ZNF407: variants seen among roughly 807,000 people sequenced by gnomAD.
ZNF407 encodes the protein zinc finger protein 407.
A neutral mutation model predicts 131.2 loss-of-function variants in ZNF407; 17 were observed. The ratio of observed to expected loss-of-function variants is 0.13; its 90% CI spans 0.09 to 0.19. The LOEUF (loss-of-function observed/expected upper bound fraction) is 0.19, where lower values mean the gene tolerates loss of function less well. ZNF407 is among the 10% of genes least tolerant of loss of function. The pLI, the probability that ZNF407 is intolerant of heterozygous loss-of-function variation, is 1.00. For missense variants in ZNF407, 2,681 were observed against 2,830.6 expected (o/e 0.95, Z 1.20); for synonymous variants, 1,156 against 1,062.0 (o/e 1.09, Z -1.72).
intron 8 of ZNF407, among the ~76,000 whole-genome samples, chr18:75,040,145 A>C (rs1229574172): frequency 1.3e-5 from 2 of 152,138 alleles, no homozygotes; most frequent in Non-Finnish European, 2.9e-5. Flanking sequence ...TATCCCTCAG[A>C]TAGCTCATGT....
intron 3 of ZNF407, among the ~76,000 whole-genome samples, chr18:74,735,240 T>C (rs926013829): frequency 6.6e-6 from 1 of 152,250 alleles, no homozygotes; most frequent in Non-Finnish European, 1.5e-5. Context: ...TAAGGTTTTA[T>C]GCTGTGTGAT....
At chr18:75,034,257 G>C (rs1427419647) in intron 8 of ZNF407, among the ~76,000 whole-genome samples, 1 of 148,250 alleles carries the variant, frequency 6.7e-6, no homozygotes, top group East Asian at 2.0e-4. Context: ...CTTGGTCTTT[G>C]ATCTATACCA....
chr18:75,032,234 T>A lies in ZNF407; in HGVS notation c.5429-30916T>A, dbSNP rs183021746. ...CACCTGATGCACAATGAGACTGCGA[T>A]CTGGGGGCTGTTCCGATGTGTTGAC... On this transcript the variant is annotated intron_variant, in intron 8 of 8. Transcript: ENST00000299687. 2.3e-3 allele frequency among the ~76,000 whole-genome samples: 350 copies of A among 152,292 alleles called. 1 individual carries two copies. Among genetic ancestry groups the A allele is most frequent in the Admixed American group, 5.3e-3 (81 of 15,302 alleles).
chr18:74,631,143 A>G lies in ZNF407; in HGVS notation c.124A>G (p.Ser42Gly), dbSNP rs1246557203. 1.2e-6 allele frequency: 2 copies of G among 1,613,982 alleles called. No individual in the cohort carries two copies. Among genetic ancestry groups the G allele is most frequent in the Middle Eastern group, 1.6e-4 (1 of 6,062 alleles). The change falls in exon 2 of 9, where the codon AGT (serine) becomes GGT (glycine). Residue 42 changes from serine to glycine, a missense_variant. Around this residue, in one of 6 missense-constraint regions of ZNF407, gnomAD observed 1,789 missense variants for 1,748.7 expected, o/e 1.02. Transcript: ENST00000299687. Reference sequence around the variant, plus strand: ...TGGGCCTGTATCTGATGTGATAGCAAGTTTCCCTGAGAATTCTATGGGCAA... The same window carrying G: ...TGGGCCTGTATCTGATGTGATAGCAGGTTTCCCTGAGAATTCTATGGGCAA... ...DGGPVSDVIA[S>G]FPENSMGKRG...
intron 8 of ZNF407, among the ~76,000 whole-genome samples, chr18:75,030,872 C>T (rs1393851947): frequency 6.6e-6 from 1 of 152,204 alleles, no homozygotes; most frequent in Non-Finnish European, 1.5e-5. Context: ...TGTTCCCAAA[C>T]GTGACAACTC....
chr18:74,741,784 C>A (rs974672038), intron 3 of ZNF407, among the ~76,000 whole-genome samples: 1 of 152,106 alleles, frequency 6.6e-6, no homozygotes, highest in Non-Finnish European at 1.5e-5. Flanking sequence ...CCTCAGATAT[C>A]AGTCATAGAA....
At chr18:74,741,749 G>C (rs1197082457) in intron 3 of ZNF407, among the ~76,000 whole-genome samples, 2 of 152,030 alleles carry the variant, frequency 1.3e-5, no homozygotes, top group East Asian at 3.9e-4. Context: ...GACAAGAAGG[G>C]ATACTCCTTG....
At chr18:74,610,004 A>G (rs552607074) in intron 1 of ZNF407, among the ~76,000 whole-genome samples, 1 of 152,288 alleles carries the variant, frequency 6.6e-6, no homozygotes, top group Non-Finnish European at 1.5e-5. Context: ...CAAAACACAT[A>G]TGCCTTTATT....
intron 8 of ZNF407, among the ~76,000 whole-genome samples, chr18:74,928,351 G>A (rs529516359): frequency 6.6e-6 from 1 of 152,312 alleles, no homozygotes; most frequent in South Asian, 2.1e-4. Context: ...GGGGATTGTA[G>A]AAGCCAAGGT....
At chr18:74,833,132 A>G (rs1970508504) in intron 4 of ZNF407, among the ~76,000 whole-genome samples, 1 of 152,184 alleles carries the variant, frequency 6.6e-6, no homozygotes, top group South Asian at 2.1e-4. Flanking sequence ...CAGATAGAAC[A>G]CCTCTGAATA....
intron 3 of ZNF407, among the ~76,000 whole-genome samples, chr18:74,709,398 A>C (rs1004789998): frequency 1.3e-5 from 2 of 152,166 alleles, no homozygotes; most frequent in African/African-American, 4.8e-5. Flanking sequence ...ACCACCCAAA[A>C]ATCCTTGTGT....
chr18:74,722,186 C>T (rs1441774130), intron 3 of ZNF407, among the ~76,000 whole-genome samples: 1 of 151,646 alleles, frequency 6.6e-6, no homozygotes, highest in Admixed American at 6.6e-5. Flanking sequence ...GAACTTTCAG[C>T]CATTAATTTT....
intron 4 of ZNF407, among the ~76,000 whole-genome samples, chr18:74,826,844 G>A (rs1031017949): frequency 1.3e-5 from 2 of 152,208 alleles, no homozygotes; most frequent in Non-Finnish European, 2.9e-5. Flanking sequence ...CTGTGCTGTG[G>A]AACAGGGCAG....
chr18:75,062,673 A>G (rs1347513927), intron 8 of ZNF407: 1 of 152,706 alleles, frequency 6.5e-6, no homozygotes, highest in Non-Finnish European at 1.5e-5. Context: ...CAAGGCTTTC[A>G]TTCTTTTTGC....
intron 3 of ZNF407, among the ~76,000 whole-genome samples, chr18:74,759,352 T>C (rs1019515175): frequency 3.3e-5 from 5 of 152,196 alleles, no homozygotes; most frequent in African/African-American, 1.2e-4. Flanking sequence ...TGGTAATTAT[T>C]GAGTCTCTTG....
intron 8 of ZNF407, among the ~76,000 whole-genome samples, chr18:74,934,026 A>G (rs545510602): frequency 2.0e-5 from 3 of 152,272 alleles, no homozygotes; most frequent in Non-Finnish European, 4.4e-5. Context: ...CCCCAACTAG[A>G]TAAAATAGCA....
chr18:74,791,086 G>A (rs1437250322), intron 4 of ZNF407, among the ~76,000 whole-genome samples: 1 of 152,132 alleles, frequency 6.6e-6, no homozygotes, highest in Non-Finnish European at 1.5e-5. Flanking sequence ...ACTCATAGGA[G>A]AAAACAAGCA....
At chr18:74,950,733 T>A (rs932680419) in intron 8 of ZNF407, among the ~76,000 whole-genome samples, 1 of 152,266 alleles carries the variant, frequency 6.6e-6, no homozygotes, top group Non-Finnish European at 1.5e-5. Context: ...GCTTTGGAAT[T>A]AAGTTCTCTC....
At chr18:74,725,127 C>G (rs1968127049) in intron 3 of ZNF407, among the ~76,000 whole-genome samples, 1 of 152,062 alleles carries the variant, frequency 6.6e-6, no homozygotes, top group Non-Finnish European at 1.5e-5. Context: ...TGTTCTGTAC[C>G]TATTAAGTAT....
Sources: gnomAD v4.1 joint callset for allele counts (sites outside exome capture counted in the v4.1 genomes callset) on GRCh38, gnomAD v4.1.1 for gene constraint, gnomAD v4.1.1 regional missense constraint, MANE v1.5 for transcripts, NCBI Gene and HGNC (gene_info 2026-07-23, HGNC 2026-07-21) for gene names.